The following DHX8 variants were observed in gnomAD, a reference collection of about 807,000 sequenced individuals.
DHX8 encodes the protein DEAH-box helicase 8.
Under a neutral mutation model 140.7 loss-of-function variants are expected in DHX8, and 67 were observed. The observed-to-expected ratio is 0.48, with a 90% CI of 0.39 to 0.58. DHX8 has a LOEUF of 0.58. Among genes scored for constraint, DHX8 ranks in the 20% least tolerant of loss-of-function variants. The pLI, the probability that DHX8 is intolerant of heterozygous loss-of-function variation, is 0.00. For synonymous variants in DHX8, 533 were observed against 553.2 expected (o/e 0.96, Z 0.51); for missense variants, 887 against 1,550.7 (o/e 0.57, Z 7.19).
Position 43,504,625 on chromosome 17 carries a change from T to C in DHX8, c.1547-19T>C. ...AGGTAGCTTGAGGACAATACTAAGT[T>C]GCCTGTTTTCCTTTCCAGCGGAAGG... On this transcript the variant is annotated intron_variant, in intron 11 of 22. Coordinates refer to ENST00000262415, the MANE Select transcript of DHX8 (RefSeq NM_004941.3). The C allele has an allele frequency of 6.2e-7, 1 of 1,601,444 alleles. No individual in the cohort carries two copies. Among genetic ancestry groups the C allele is most frequent in the South Asian group, 1.1e-5 (1 of 89,074 alleles).
At chr17:43,498,026 G>A (rs1968961720) in intron 9 of DHX8, among the ~76,000 whole-genome samples, 1 of 152,136 alleles carries the variant, frequency 6.6e-6, no homozygotes, top group Non-Finnish European at 1.5e-5. Context: ...TTTCAAAGTA[G>A]GTCTGATCAG....
chr17:43,520,810 G>A lies in DHX8; in HGVS notation c.2997G>A (p.Leu999=). ...LCKMLIMSVH[L]GCSEEMLTIV... ...AAATGCTCATCATGTCTGTGCATCT[G>A]GGCTGCAGTGAGGAAATGCTGACCA... Residue 999 remains leucine, a synonymous_variant, in exon 20 of 23, where the codon CTG becomes CTA. Transcript: ENST00000262415. 6.2e-7 allele frequency: 1 copy of A among 1,614,088 alleles called. No homozygotes were observed. Among genetic ancestry groups the A allele is most frequent in the Non-Finnish European group, 8.5e-7 (1 of 1,180,008 alleles).
At chr17:43,507,428 G>A in intron 13 of DHX8, 75 bp from the exon 14 acceptor site, 1 of 1,385,780 alleles carries the variant, frequency 7.2e-7, no homozygotes, top group Non-Finnish European at 9.9e-7. Flanking sequence ...GAGAGTGACT[G>A]GGCTGAAATC....
In DHX8 at chr17:43,523,843, G is replaced by A. The variant is rs777966592; in HGVS notation, c.3659G>A (p.Arg1220His). The A allele has an allele frequency of 3.1e-6, 5 of 1,613,978 alleles. No individual in the cohort carries two copies. The highest frequency in any genetic ancestry group is 1.3e-5 in the African/African-American group (1 of 74,916). Reference protein sequence around the residue: ...AWRISRAFRRR With the variant: ...AWRISRAFRRH ...AGAATATCTCGAGCTTTCCGACGGC[G>A]CTGAAAGGCAAGATTGTTCCTTTGC... The change falls in exon 23 of 23, where the codon CGC becomes CAC. Residue 1220 changes from arginine (R) to histidine (H), a missense_variant. This residue lies in a region of DHX8 where 14 missense variants were observed against 56.3 expected (regional missense o/e 0.25). Coordinates refer to ENST00000262415, the MANE Select transcript of DHX8 (RefSeq NM_004941.3).
chr17:43,511,047 G>A (rs539778071), intron 16 of DHX8, among the ~76,000 whole-genome samples: 2 of 151,986 alleles, frequency 1.3e-5, no homozygotes, highest in East Asian at 3.9e-4. Flanking sequence ...ATGGACATTG[G>A]AGCTGAGCGC....
intron 3 of DHX8, 114 bp downstream of exon 3, chr17:43,490,577 A>T: frequency 1.1e-6 from 1 of 896,680 alleles, no homozygotes; most frequent in East Asian, 2.6e-5. Flanking sequence ...TGTTCCAGTA[A>T]GATTTTTCAA....
At chr17:43,539,357 C>A (rs978900380) in intron 3 of DHX8, among the ~76,000 whole-genome samples, 1 of 152,304 alleles carries the variant, frequency 6.6e-6, no homozygotes, top group African/African-American at 2.4e-5. Context: ...ACTTTGACAT[C>A]TCTGGAGAGG....
downstream of DHX8, chr17:43,529,796 C>G: frequency 1.2e-6 from 2 of 1,600,350 alleles, no homozygotes; most frequent in Non-Finnish European, 1.7e-6. Flanking sequence ...GGGTCCCACC[C>G]TCTTGCAACA....
chr17:43,490,841 T>C (rs551190017), intron 3 of DHX8, among the ~76,000 whole-genome samples: 2 of 152,118 alleles, frequency 1.3e-5, no homozygotes, highest in Non-Finnish European at 2.9e-5. Flanking sequence ...ACCAATGTAC[T>C]TTAGCCTGAG....
Position 43,484,083 on chromosome 17 carries a change from C to A in DHX8, c.46C>A (p.Pro16Thr). ...GGCGGGAGCCTTAATCGGGTCGGAG[C>A]CAGGCCCCGCGGAAGAACTTGCCAA... is the stretch of plus-strand genomic sequence containing the variant. ...AMAGALIGSE[P>T]GPAEELAKLE... Residue 16 changes from proline (P) to threonine (T), a missense_variant, in exon 1 of 23, where the codon CCA (proline) becomes ACA (threonine). This residue lies in a region of DHX8 where 32 missense variants were observed against 25.1 expected (regional missense o/e 1.28). Transcript: ENST00000262415. 6.2e-7 allele frequency: 1 copy of A among 1,614,150 alleles called. No individual in the cohort carries two copies. Among genetic ancestry groups the A allele is most frequent in the South Asian group, 1.1e-5 (1 of 91,088 alleles).
At chr17:43,496,322 G>A in intron 9 of DHX8, 54 bp downstream of exon 9, 1 of 1,315,136 alleles carries the variant, frequency 7.6e-7, no homozygotes, top group Non-Finnish European at 1.1e-6. Context: ...CCATTGAATT[G>A]GGTGATTTGC....
exon 4 of DHX8, chr17:43,544,448 GAATT>G (rs1370192872): frequency 6.5e-6 from 1 of 153,336 alleles, no homozygotes; most frequent in Non-Finnish European, 1.5e-5. Context: ...CTGCCGAAAA[GAATT>G]ATTTAAACTT....
At chr17:43,501,010 A>G (rs1439134232) in intron 11 of DHX8, among the ~76,000 whole-genome samples, 1 of 152,150 alleles carries the variant, frequency 6.6e-6, no homozygotes, top group East Asian at 1.9e-4. Flanking sequence ...TAGTCATAAC[A>G]AATACTTATT....
At position 43,500,070 on chromosome 17, in the gene DHX8, C is replaced by T. The variant is rs1163024727; in HGVS notation, c.1513C>T (p.Leu505Phe). Residue 505 changes from leucine to phenylalanine, a missense_variant, in exon 11 of 23, where the codon CTC becomes TTC. By Grantham distance (22) the Leu-to-Phe change is conservative. This residue lies in a region of DHX8 where 178 missense variants were observed against 398.5 expected (regional missense o/e 0.45). Coordinates refer to ENST00000262415, the MANE Select transcript of DHX8 (RefSeq NM_004941.3). ...EAEMDSIPMG[L>F]NKHWVDPLPD... ...TGAGATGGATTCTATTCCCATGGGA[C>T]TCAACAAACACTGGGTTGACCCTCT... 1 of 1,614,050 alleles carries T rather than the reference C, an allele frequency of 6.2e-7. No individual in the cohort carries two copies. Among genetic ancestry groups the T allele is most frequent in the Non-Finnish European group, 8.5e-7 (1 of 1,180,030 alleles).
intron 8 of DHX8, 147 bp from the exon 9 acceptor site, chr17:43,496,034 G>T: frequency 1.6e-6 from 1 of 606,540 alleles, no homozygotes. Context: ...GGAGTTTGAG[G>T]TTGCAGTGAG....
At chr17:43,541,635 A>G (rs1429215289) in intron 3 of DHX8, among the ~76,000 whole-genome samples, 1 of 152,178 alleles carries the variant, frequency 6.6e-6, no homozygotes, top group Non-Finnish European at 1.5e-5. Flanking sequence ...ACCATAGGTT[A>G]GCCACCCACA....
intron 3 of DHX8, among the ~76,000 whole-genome samples, chr17:43,543,168 G>A (rs1311198440): frequency 1.3e-5 from 2 of 151,826 alleles, no homozygotes; most frequent in Non-Finnish European, 2.9e-5. Context: ...GGGAACCAAG[G>A]AGATCCCAGC....
intron 1 of DHX8, among the ~76,000 whole-genome samples, chr17:43,484,854 G>C (rs1315607968): frequency 6.6e-6 from 1 of 151,954 alleles, no homozygotes; most frequent in African/African-American, 2.4e-5. Flanking sequence ...TATTGCCCAG[G>C]CTGGTCTCGA....
intron 20 of DHX8, 87 bp downstream of exon 20, chr17:43,520,966 T>C: frequency 7.6e-6 from 4 of 528,542 alleles, no homozygotes; most frequent in Admixed American, 4.4e-5. Context: ...GATGTGGACT[T>C]TTTTTTTTTT....
Sources: gnomAD v4.1 joint callset for allele counts (sites outside exome capture counted in the v4.1 genomes callset) on GRCh38, gnomAD v4.1.1 for gene constraint, gnomAD v4.1.1 regional missense constraint, MANE v1.5 for transcripts, NCBI Gene and HGNC (gene_info 2026-07-23, HGNC 2026-07-21) for gene names.